CCDC91: variants seen among roughly 807,000 people sequenced by gnomAD.
CCDC91 encodes coiled-coil domain containing 91.
A neutral mutation model predicts 63.2 loss-of-function variants in CCDC91; 48 were observed. That is an observed-to-expected ratio of 0.76 (90% CI 0.60 to 0.97). The LOEUF (loss-of-function observed/expected upper bound fraction) is 0.97. Ranked by LOEUF, CCDC91 falls within the 50% of genes least tolerant of loss-of-function variation. CCDC91 has a pLI of 0.00. For missense variants in CCDC91, 500 were observed against 494.6 expected, an observed-to-expected ratio of 1.01 and a Z score of -0.10; for synonymous variants, 167 against 165.8, an observed-to-expected ratio of 1.01 and a Z score of -0.06.
intron 1 of CCDC91, among the ~76,000 whole-genome samples, chr12:28,252,438 C>CT (rs1399973730): frequency 6.6e-6 from 1 of 151,624 alleles, no homozygotes; most frequent in African/African-American, 2.4e-5. Context: ...GATCTTGTAA[C>CT]TTTTTTTTAC....
At chr12:28,411,605 C>T (rs1947321317) in intron 8 of CCDC91, among the ~76,000 whole-genome samples, 1 of 152,118 alleles carries the variant, frequency 6.6e-6, no homozygotes, top group Non-Finnish European at 1.5e-5. Context: ...TTACTCTTTC[C>T]TTCCTGTACC....
chr12:28,220,593 G>C (rs778789986), intron 1 of CCDC91, among the ~76,000 whole-genome samples: 2 of 151,736 alleles, frequency 1.3e-5, no homozygotes, highest in African/African-American at 4.8e-5. Context: ...TCTCCCTGAA[G>C]AAATTTCCTC....
chr12:28,249,424 C>G (rs1488376968), intron 1 of CCDC91, among the ~76,000 whole-genome samples: 1 of 152,126 alleles, frequency 6.6e-6, no homozygotes, highest in Non-Finnish European at 1.5e-5. Context: ...ATTGTTAAAA[C>G]CTGGCTTGGG....
At chr12:28,254,614 A>G (rs1010020557) in intron 1 of CCDC91, among the ~76,000 whole-genome samples, 1 of 152,176 alleles carries the variant, frequency 6.6e-6, no homozygotes, top group African/African-American at 2.4e-5. Context: ...AAATGCTCAG[A>G]AGTAAACTAT....
chr12:28,523,653 C>T (rs558841600), intron 12 of CCDC91, among the ~76,000 whole-genome samples: 1 of 152,106 alleles, frequency 6.6e-6, no homozygotes, highest in Non-Finnish European at 1.5e-5. Flanking sequence ...TTAGTTGATG[C>T]ATTTTCTTCC....
At chr12:28,254,096 A>T (rs1242059585) in intron 1 of CCDC91, among the ~76,000 whole-genome samples, 1 of 152,210 alleles carries the variant, frequency 6.6e-6, no homozygotes, top group Non-Finnish European at 1.5e-5. Flanking sequence ...TTCTTATAAA[A>T]CATTTTTAGA....
At chr12:28,387,271 A>G (rs1945662078) in intron 7 of CCDC91, among the ~76,000 whole-genome samples, 1 of 152,182 alleles carries the variant, frequency 6.6e-6, no homozygotes, top group African/African-American at 2.4e-5. Flanking sequence ...CATAGGACCA[A>G]TGCTTAAACT....
intron 12 of CCDC91, among the ~76,000 whole-genome samples, chr12:28,504,588 C>T (rs1161370694): frequency 8.1e-4 from 123 of 151,888 alleles, no homozygotes; most frequent in Non-Finnish European, 2.9e-5. Flanking sequence ...CTCTTATCAA[C>T]TCTTGCTGTC....
At chr12:28,230,454 T>A (rs1944517718) in intron 1 of CCDC91, among the ~76,000 whole-genome samples, 1 of 152,150 alleles carries the variant, frequency 6.6e-6, no homozygotes. Context: ...AATTTCAATG[T>A]TTCTGAAATG....
chr12:28,275,535 C>G (rs1200955881), intron 3 of CCDC91, among the ~76,000 whole-genome samples: 1 of 152,086 alleles, frequency 6.6e-6, no homozygotes, highest in East Asian at 1.9e-4. Flanking sequence ...CGAATTCTAC[C>G]AGAGGTACAA....
intron 1 of CCDC91, among the ~76,000 whole-genome samples, chr12:28,229,795 T>C (rs1394043606): frequency 6.6e-6 from 1 of 152,158 alleles, no homozygotes; most frequent in African/African-American, 2.4e-5. Flanking sequence ...TTTTGGTTTT[T>C]TTAGCTCACG....
chr12:28,400,336 C>A (rs1369602380), intron 8 of CCDC91, among the ~76,000 whole-genome samples: 3 of 151,680 alleles, frequency 2.0e-5, no homozygotes, highest in Non-Finnish European at 4.4e-5. Flanking sequence ...CCTGAGGTCT[C>A]TCCACACCCC....
intron 11 of CCDC91, among the ~76,000 whole-genome samples, chr12:28,459,273 C>T: frequency 6.6e-6 from 1 of 152,146 alleles, no homozygotes; most frequent in East Asian, 1.9e-4. Context: ...CAGTATATAA[C>T]TGTACCACTG....
rs370740781 is a variant in CCDC91, at chr12:28,418,466, A to G, written c.762+27055A>G. 2.9e-4 allele frequency among the ~76,000 whole-genome samples: 44 copies of G among 152,248 alleles called. 1 individual carries two copies. Among genetic ancestry groups the G allele is most frequent in the African/African-American group, 9.4e-4 (39 of 41,566 alleles). ...AATTCAAACTGTACAACTTTTAGCT[A>G]TTGACTTTGCCTGAATTTCCTTATC... On this transcript the variant is annotated intron_variant, in intron 8 of 12. Transcript: ENST00000536442.
chr12:28,334,632 G>A (rs1265890960), intron 6 of CCDC91, among the ~76,000 whole-genome samples: 1 of 151,980 alleles, frequency 6.6e-6, no homozygotes, highest in Non-Finnish European at 1.5e-5. Context: ...CACAAATTTT[G>A]GATACTTTTA....
chr12:28,359,496 G>T (rs1442875510), intron 6 of CCDC91, among the ~76,000 whole-genome samples: 1 of 152,046 alleles, frequency 6.6e-6, no homozygotes, highest in Non-Finnish European at 1.5e-5. Context: ...AAGAAAGAAA[G>T]AAAATAATAT....
intron 7 of CCDC91, among the ~76,000 whole-genome samples, chr12:28,388,164 A>T (rs1446145146): frequency 6.6e-6 from 1 of 152,046 alleles, no homozygotes; most frequent in Non-Finnish European, 1.5e-5. Flanking sequence ...GTTTGTTGCC[A>T]TTTGTATACC....
chr12:28,319,232 T>C (rs1335603608), intron 6 of CCDC91: 1 of 151,970 alleles, frequency 6.6e-6, no homozygotes, highest in African/African-American at 2.4e-5. Context: ...AAAATAAATA[T>C]GCTTATAAAT....
At chr12:28,436,333 T>C (rs1948904418) in intron 8 of CCDC91, among the ~76,000 whole-genome samples, 1 of 151,808 alleles carries the variant, frequency 6.6e-6, no homozygotes, top group South Asian at 2.1e-4. Context: ...AATTTAACTT[T>C]CAGAGGATAG....
Sources: gnomAD v4.1 joint callset for allele counts (sites outside exome capture counted in the v4.1 genomes callset) on GRCh38, gnomAD v4.1.1 for gene constraint, MANE v1.5 for transcripts, NCBI Gene and HGNC (gene_info 2026-07-23, HGNC 2026-07-21) for gene names.